The following PTPRR variants were observed in gnomAD, a reference collection of about 807,000 sequenced individuals.
The protein encoded by PTPRR is receptor-type tyrosine-protein phosphatase R.
In PTPRR, 38 loss-of-function variants were observed where a neutral mutation model predicts 77.2. The ratio of observed to expected loss-of-function variants is 0.49; its 90% CI spans 0.38 to 0.65. The LOEUF is 0.65. PTPRR is among the 30% of genes least tolerant of loss of function. The pLI is 0.00. For missense variants in PTPRR, 744 were observed against 799.2 expected, an observed-to-expected ratio of 0.93 and a Z score of 0.83; for synonymous variants, 299 against 283.1, an observed-to-expected ratio of 1.06 and a Z score of -0.57.
chr12:70,754,053 G>T, intron 5 of PTPRR, 138 bp downstream of exon 5: 1 of 837,696 alleles, frequency 1.2e-6, no homozygotes, highest in Non-Finnish European at 1.8e-6. Flanking sequence ...TGTCAGATAT[G>T]AAATATTCCT....
At chr12:70,769,974 G>T (rs1214661287) in intron 2 of PTPRR, among the ~76,000 whole-genome samples, 29 of 152,058 alleles carry the variant, frequency 1.9e-4, no homozygotes, top group Admixed American at 1.9e-3. Context: ...AGCTGAAACT[G>T]GATCCCTTCC....
intron 2 of PTPRR, among the ~76,000 whole-genome samples, chr12:70,813,162 C>T (rs556100998): frequency 5.9e-5 from 9 of 152,182 alleles, no homozygotes; most frequent in Non-Finnish European, 1.5e-5. Context: ...TGCCCAAGCA[C>T]ATACATTCAT....
chr12:70,773,051 T>C (rs1365537030), intron 2 of PTPRR, among the ~76,000 whole-genome samples: 1 of 152,080 alleles, frequency 6.6e-6, no homozygotes, highest in African/African-American at 2.4e-5. Context: ...GGATTACAGA[T>C]ATATTACTCT....
intron 6 of PTPRR, among the ~76,000 whole-genome samples, chr12:70,744,065 C>G (rs1890135516): frequency 6.6e-6 from 1 of 152,132 alleles, no homozygotes; most frequent in Non-Finnish European, 1.5e-5. Flanking sequence ...CACTGATGCC[C>G]AGGTCTGTGC....
intron 2 of PTPRR, among the ~76,000 whole-genome samples, chr12:70,860,513 T>A (rs758977125): frequency 6.6e-6 from 1 of 152,148 alleles, no homozygotes; most frequent in Non-Finnish European, 1.5e-5. Flanking sequence ...TGTATTAGTA[T>A]GAAATAAACT....
At chr12:70,839,162 G>A (rs184757920) in intron 2 of PTPRR, among the ~76,000 whole-genome samples, 1 of 152,252 alleles carries the variant, frequency 6.6e-6, no homozygotes, top group Admixed American at 6.6e-5. Flanking sequence ...TAATAGAGCT[G>A]CTAGAAAGAC....
chr12:70,771,578 A>T (rs1055518063), intron 2 of PTPRR, among the ~76,000 whole-genome samples: 1 of 152,174 alleles, frequency 6.6e-6, no homozygotes, highest in African/African-American at 2.4e-5. Context: ...ATGGTATATT[A>T]TATAATAAAG....
chr12:70,665,009 G>C (rs1266506756), intron 10 of PTPRR, among the ~76,000 whole-genome samples: 3 of 152,052 alleles, frequency 2.0e-5, no homozygotes, highest in Non-Finnish European at 4.4e-5. Context: ...CTTTATTGTG[G>C]TGCTAACAAT....
intron 4 of PTPRR, chr12:70,754,523 G>A: frequency 6.3e-7 from 1 of 1,583,024 alleles, no homozygotes; most frequent in Non-Finnish European, 8.5e-7. Context: ...AAGCGTGCCT[G>A]ACATGGCATC....
At chr12:70,827,274 A>G (rs554128553) in intron 2 of PTPRR, among the ~76,000 whole-genome samples, 1 of 152,338 alleles carries the variant, frequency 6.6e-6, no homozygotes, top group African/African-American at 2.4e-5. Context: ...AGCACATAGC[A>G]GGTACTTAAT....
At chr12:70,687,954 C>T (rs1031427631) in intron 8 of PTPRR, among the ~76,000 whole-genome samples, 3 of 152,136 alleles carry the variant, frequency 2.0e-5, no homozygotes, top group Non-Finnish European at 4.4e-5. Context: ...GAGATGGAAG[C>T]TAGCACCAAA....
chr12:70,663,718 T>C (rs572306367), intron 10 of PTPRR, among the ~76,000 whole-genome samples: 2 of 152,170 alleles, frequency 1.3e-5, no homozygotes, highest in African/African-American at 2.4e-5. Flanking sequence ...TTATGTTTTA[T>C]TTTGAGTGCT....
intron 2 of PTPRR, among the ~76,000 whole-genome samples, chr12:70,802,362 A>T (rs2137021360): frequency 6.6e-6 from 1 of 152,326 alleles, no homozygotes; most frequent in Admixed American, 6.5e-5. Context: ...TGAGCAAATT[A>T]TATTGAGAAG....
intron 10 of PTPRR, among the ~76,000 whole-genome samples, chr12:70,669,970 T>G (rs78401809): frequency 0.03 from 4,492 of 152,218 alleles, 92 homozygotes; most frequent in Non-Finnish European, 0.044. Context: ...CATGTGTAAT[T>G]AAAATGAATA....
At chr12:70,897,934 T>G (rs780700039) in intron 1 of PTPRR, among the ~76,000 whole-genome samples, 6 of 134,478 alleles carry the variant, frequency 4.5e-5, no homozygotes, top group Admixed American at 1.8e-4. Flanking sequence ...TTCTCACTCA[T>G]AGGTGGGAAT....
chr12:70,708,425 T>C (rs937745905), intron 6 of PTPRR, among the ~76,000 whole-genome samples: 3 of 152,160 alleles, frequency 2.0e-5, no homozygotes, highest in African/African-American at 7.2e-5. Context: ...AATGTTACAG[T>C]TGTGATTCAG....
At chr12:70,745,760 T>C in intron 6 of PTPRR, 58 bp downstream of exon 6, 3 of 1,538,264 alleles carry the variant, frequency 2.0e-6, no homozygotes. Flanking sequence ...TCTTTTTTAG[T>C]TGATGAATAC....
intron 2 of PTPRR, among the ~76,000 whole-genome samples, chr12:70,814,625 G>A (rs1483607226): frequency 6.6e-6 from 1 of 152,150 alleles, no homozygotes; most frequent in East Asian, 1.9e-4. Context: ...TGGGAGTAGA[G>A]GGGGCCGGCC....
intron 2 of PTPRR, among the ~76,000 whole-genome samples, chr12:70,830,653 C>A (rs373072393): frequency 3.0e-4 from 45 of 152,310 alleles, no homozygotes; most frequent in African/African-American, 1.1e-3. Context: ...AACACCATTG[C>A]CAAACCAGCA....
Sources: allele counts gnomAD v4.1 joint callset (sites outside exome capture counted in the v4.1 genomes callset), GRCh38; gene constraint gnomAD v4.1.1; transcripts MANE v1.5; gene names NCBI Gene and HGNC (gene_info 2026-07-23, HGNC 2026-07-21).